Variants in CADM2 observed in about 807,000 individuals in gnomAD.
The protein encoded by CADM2 is cell adhesion molecule 2.
Under a neutral mutation model 49.8 loss-of-function variants are expected in CADM2, and 12 were observed. The observed-to-expected ratio is 0.24, with a 90% CI of 0.15 to 0.39. The LOEUF (loss-of-function observed/expected upper bound fraction) is 0.39. CADM2 is among the 10% of genes least tolerant of loss of function. The probability of loss-of-function intolerance (pLI) is 1.00; values close to 1 mark genes in which losing one functional copy is unlikely to be tolerated. For synonymous variants in CADM2, 214 were observed against 175.4 expected (o/e 1.22, Z -1.74); for missense variants, 378 against 492.3 (o/e 0.77, Z 2.20).
intron 1 of CADM2, among the ~76,000 whole-genome samples, chr3:85,436,502 G>C (rs1451156058): frequency 6.6e-6 from 1 of 151,988 alleles, no homozygotes; most frequent in African/African-American, 2.4e-5. Flanking sequence ...TTTTCAAAGG[G>C]AACACTTCCA....
rs967067068 is a variant in CADM2, at chr3:85,803,488, G to C, written c.238+1292G>C. 2.1e-3 allele frequency among the ~76,000 whole-genome samples: 257 copies of C among 119,880 alleles called. 1 individual carries two copies. The highest frequency in any genetic ancestry group is 8.4e-3 in the African/African-American group (251 of 29,800). The allele number at this position is 119,880 out of a possible 152,430, so 78.6% of individuals were successfully genotyped here. On this transcript the variant is annotated intron_variant, in intron 3 of 9. Coordinates refer to ENST00000383699, the MANE Select transcript of CADM2 (RefSeq NM_001167675.2). ...GACAAAATGAAGAAACAGACAGATA[G>C]ATAGATAGATAAATAGATAGATAGA...
In CADM2 at chr3:85,474,983, T is replaced by G. The variant is rs1430293637; in HGVS notation, c.62-251539T>G. ...GACATTGCTCTGAGCAAAATCACAG[T>G]AACACACCACCGGCACAATCATGAA... is the stretch of plus-strand genomic sequence containing the variant. On this transcript the variant is annotated intron_variant, in intron 1 of 9. Transcript: ENST00000383699. 3.3e-5 allele frequency among the ~76,000 whole-genome samples: 5 copies of G among 151,870 alleles called. No individual in the cohort carries two copies. In the East Asian group the frequency reaches 7.8e-4, roughly 24 times the overall value.
At chr3:85,876,626 T>C (rs1201620728) in intron 3 of CADM2, among the ~76,000 whole-genome samples, 1 of 152,146 alleles carries the variant, frequency 6.6e-6, no homozygotes, top group Non-Finnish European at 1.5e-5. Context: ...GTGACATGAA[T>C]TATTACTCAC....
chr3:85,868,278 T>C (rs987284161), intron 3 of CADM2, among the ~76,000 whole-genome samples: 29 of 152,078 alleles, frequency 1.9e-4, no homozygotes, highest in African/African-American at 7.0e-4. Context: ...TTATAAAAGT[T>C]TTCAGGCTTA....
intron 1 of CADM2, among the ~76,000 whole-genome samples, chr3:85,567,629 A>T (rs778660473): frequency 7.2e-6 from 1 of 138,166 alleles, no homozygotes; most frequent in African/African-American, 2.5e-5. Context: ...CCAGAGAGAC[A>T]GAATCAATTC....
chr3:85,055,888 T>G (rs1419320844), intron 1 of CADM2, among the ~76,000 whole-genome samples: 1 of 152,042 alleles, frequency 6.6e-6, no homozygotes. Context: ...CCTGGATCTA[T>G]GTTATTGACA....
chr3:85,861,234 T>C (rs996650519), intron 3 of CADM2, among the ~76,000 whole-genome samples: 4 of 152,070 alleles, frequency 2.6e-5, no homozygotes, highest in Admixed American at 2.0e-4. Context: ...TGAAGTATGG[T>C]GTTAGGAGTA....
At chr3:85,128,031 CTAA>C (rs2039095571) in intron 1 of CADM2, among the ~76,000 whole-genome samples, 2 of 152,090 alleles carry the variant, frequency 1.3e-5, no homozygotes, top group Admixed American at 6.6e-5. Flanking sequence ...ACGCATGTGG[CTAA>C]TGATTACGGT....
chr3:85,718,893 T>G (rs1198250518), intron 1 of CADM2, among the ~76,000 whole-genome samples: 1 of 90,744 alleles, frequency 1.1e-5, no homozygotes, highest in East Asian at 3.1e-4. Flanking sequence ...TTATTATTAT[T>G]ATTATTATTA....
intron 1 of CADM2, among the ~76,000 whole-genome samples, chr3:85,359,857 T>A (rs1174170561): frequency 6.6e-6 from 1 of 150,444 alleles, no homozygotes; most frequent in East Asian, 2.0e-4. Flanking sequence ...CATTTTCTTT[T>A]AAAATTAAAC....
chr3:85,105,687 A>G (rs1388638567), intron 1 of CADM2, among the ~76,000 whole-genome samples: 5 of 152,206 alleles, frequency 3.3e-5, no homozygotes, highest in Non-Finnish European at 5.9e-5. Context: ...AAGACTTGGA[A>G]CCAACCCAAA....
chr3:85,828,937 T>G (rs1275732560), intron 3 of CADM2, among the ~76,000 whole-genome samples: 3 of 151,964 alleles, frequency 2.0e-5, no homozygotes, highest in African/African-American at 7.2e-5. Flanking sequence ...CATTATCTCT[T>G]GAAGTGTAAA....
chr3:85,600,258 T>G (rs540559754), intron 1 of CADM2, among the ~76,000 whole-genome samples: 1 of 151,966 alleles, frequency 6.6e-6, no homozygotes, highest in South Asian at 2.1e-4. Flanking sequence ...ACTTAGAAAA[T>G]CATAGATTAA....
At chr3:85,041,465 G>A (rs545760557) in intron 1 of CADM2, among the ~76,000 whole-genome samples, 5 of 152,272 alleles carry the variant, frequency 3.3e-5, no homozygotes, top group South Asian at 2.1e-4. Context: ...AGAGGAAACG[G>A]AAGTGAATGA....
intron 1 of CADM2, among the ~76,000 whole-genome samples, chr3:85,531,907 G>A (rs1365410701): frequency 6.6e-6 from 1 of 152,190 alleles, no homozygotes; most frequent in African/African-American, 2.4e-5. Flanking sequence ...TCCAGGTGCG[G>A]TGGCTCACGC....
intron 2 of CADM2, among the ~76,000 whole-genome samples, chr3:85,775,940 T>A (rs1298951326): frequency 6.6e-6 from 1 of 151,852 alleles, no homozygotes; most frequent in Non-Finnish European, 1.5e-5. Flanking sequence ...AGAAACATAA[T>A]TTTAGTACAG....
Position 86,067,100 on chromosome 3 carries a change from T to TA in CADM2, c.*323dup. On this transcript the variant is annotated 3_prime_UTR_variant, in exon 10 of 10. Transcript: ENST00000383699. ...ATTATATTGAGTGGTTTTTATACAT[T>TA]AAAAAATGTATGCAGAGTTTTTTTC... is the stretch of plus-strand genomic sequence containing the variant. 1 of 219,780 alleles carries TA rather than the reference T, an allele frequency of 4.5e-6. No individual in the cohort carries two copies. The highest frequency in any genetic ancestry group is 9.0e-6 in the Non-Finnish European group (1 of 110,686). 13.6% of individuals were successfully genotyped at this position (219,780 alleles called of 1,614,324 possible).
chr3:85,355,719 A>G (rs552607143), intron 1 of CADM2, among the ~76,000 whole-genome samples: 5 of 152,262 alleles, frequency 3.3e-5, no homozygotes, highest in Admixed American at 1.3e-4. Context: ...TGTAAATTGT[A>G]TCTGAGAAAA....
At chr3:85,858,787 A>G (rs1203916519) in intron 3 of CADM2, among the ~76,000 whole-genome samples, 1 of 152,232 alleles carries the variant, frequency 6.6e-6, no homozygotes, top group Non-Finnish European at 1.5e-5. Context: ...TAGCAATAGA[A>G]TGCCAAAGGC....
Sources: allele counts gnomAD v4.1 joint callset (sites outside exome capture counted in the v4.1 genomes callset), GRCh38; gene constraint gnomAD v4.1.1; transcripts MANE v1.5; gene names NCBI Gene and HGNC (gene_info 2026-07-23, HGNC 2026-07-21).